The following DLGAP2 variants were observed in gnomAD, a reference collection of about 807,000 sequenced individuals.
DLGAP2 encodes the protein disks large-associated protein 2.
DLGAP2 carries 26 observed loss-of-function variants against 100.3 expected under a neutral mutation model. That is an observed-to-expected ratio of 0.26 (90% confidence interval 0.19 to 0.36). DLGAP2 has a LOEUF of 0.36. DLGAP2 is among the 10% of genes least tolerant of loss of function. The pLI is 1.00. For synonymous variants in DLGAP2, 886 were observed against 630.1 expected (o/e 1.41, Z -6.08); for missense variants, 1,858 against 1,453.2 (o/e 1.28, Z -4.53).
At chr8:1,041,382 C>T (rs979604929) in intron 2 of DLGAP2, among the ~76,000 whole-genome samples, 4 of 152,222 alleles carry the variant, frequency 2.6e-5, no homozygotes, top group African/African-American at 9.6e-5. Flanking sequence ...TCCGTGTCGA[C>T]ATCCGCCCTG....
At chr8:1,321,053 C>T (rs1800887586) in intron 3 of DLGAP2, among the ~76,000 whole-genome samples, 1 of 150,782 alleles carries the variant, frequency 6.6e-6, no homozygotes, top group African/African-American at 2.4e-5. Context: ...CCATGTGTCT[C>T]TAAGTGTGCA....
intron 8 of DLGAP2, among the ~76,000 whole-genome samples, chr8:1,633,486 C>A (rs1441711547): frequency 6.6e-6 from 1 of 152,214 alleles, no homozygotes; most frequent in Non-Finnish European, 1.5e-5. Context: ...CTCACCGCCG[C>A]TAAGCAGGTC....
At chr8:1,407,752 G>C (rs1796609826) in intron 3 of DLGAP2, among the ~76,000 whole-genome samples, 1 of 142,360 alleles carries the variant, frequency 7.0e-6, no homozygotes, top group Non-Finnish European at 1.5e-5. Context: ...TCATCCTCCA[G>C]AGTCGTGTAT....
At chr8:1,623,469 A>G (rs1479924570) in intron 6 of DLGAP2, among the ~76,000 whole-genome samples, 1 of 151,354 alleles carries the variant, frequency 6.6e-6, no homozygotes, top group Non-Finnish European at 1.5e-5. Flanking sequence ...GCGCGCAATG[A>G]CCTGACACCA....
rs113303294 is a variant in DLGAP2, at chr8:1,540,240, G to T, written c.173-8386G>T. Among the ~76,000 whole-genome samples the T allele has an allele frequency of 7.3e-3, 1,109 of 152,302 alleles. 6 individuals are homozygous for T. The highest frequency in any genetic ancestry group is 0.012 in the Non-Finnish European group (789 of 68,028). On this transcript the variant is annotated intron_variant, in intron 4 of 14. Coordinates refer to ENST00000637795, the MANE Select transcript of DLGAP2 (RefSeq NM_001346810.2). ...AAAGGCCCGAAACATGGGGTGATGA[G>T]CCCCTTGCCCCGCGTTTTTTAGAGT... is the stretch of plus-strand genomic sequence containing the variant.
At chr8:1,141,625 A>C (rs1373397863) in intron 2 of DLGAP2, among the ~76,000 whole-genome samples, 1 of 152,232 alleles carries the variant, frequency 6.6e-6, no homozygotes, top group Non-Finnish European at 1.5e-5. Flanking sequence ...ACATACTCAA[A>C]GACATGGGTA....
chr8:1,178,354 G>A (rs891671505), intron 2 of DLGAP2, among the ~76,000 whole-genome samples: 6 of 152,138 alleles, frequency 3.9e-5, no homozygotes, highest in South Asian at 2.1e-4. Context: ...TTGCGGAGGG[G>A]CGGCAGCAGT....
At chr8:1,502,071 A>G (rs1799741233) in intron 4 of DLGAP2, among the ~76,000 whole-genome samples, 1 of 152,244 alleles carries the variant, frequency 6.6e-6, no homozygotes, top group South Asian at 2.1e-4. Context: ...AATACATCTG[A>G]CATCAAACTG....
chr8:1,001,263 C>T (rs1474230040), intron 2 of DLGAP2, among the ~76,000 whole-genome samples: 1 of 152,212 alleles, frequency 6.6e-6, no homozygotes, highest in Non-Finnish European at 1.5e-5. Context: ...CAGCCTTTCT[C>T]CACTGGCTCT....
At chr8:905,786 T>G (rs1457684092) in intron 1 of DLGAP2, among the ~76,000 whole-genome samples, 3 of 152,224 alleles carry the variant, frequency 2.0e-5, no homozygotes, top group African/African-American at 4.8e-5. Flanking sequence ...AGACCATAGC[T>G]TGGGGTCCCA....
intron 3 of DLGAP2, among the ~76,000 whole-genome samples, chr8:1,299,174 T>G (rs911234488): frequency 2.0e-5 from 3 of 152,204 alleles, no homozygotes; most frequent in African/African-American, 7.2e-5. Flanking sequence ...AGATGGCATT[T>G]CAGGGGCTCA....
intron 1 of DLGAP2, among the ~76,000 whole-genome samples, chr8:795,666 G>GCGTCCGGTGAGAGCAGC (rs1796011868): frequency 7.8e-6 from 1 of 128,770 alleles, no homozygotes; most frequent in African/African-American, 2.7e-5. Flanking sequence ...GTGAGAGCAG[G>GCGTCCGGTGAGAGCAGC]TGTCCAGTGA....
At chr8:926,896 G>T (rs1313182243) in intron 2 of DLGAP2, among the ~76,000 whole-genome samples, 1 of 152,242 alleles carries the variant, frequency 6.6e-6, no homozygotes, top group Non-Finnish European at 1.5e-5. Flanking sequence ...AGCGGAGCGA[G>T]CCTCGTAGGC....
rs114493619 is a variant in DLGAP2, at chr8:1,090,819, C to T, written c.74-168032C>T. Among the ~76,000 whole-genome samples the T allele has an allele frequency of 1.7e-3, 252 of 152,218 alleles. 1 individual carries two copies. The highest frequency in any genetic ancestry group is 4.9e-3 in the African/African-American group (202 of 41,546). ...TGAATGTAGGGAAAATTCTTTTCATCGAGGACTCTTATTGATGGAGATTTT... is the reference window on the plus strand; with the variant it reads ...TGAATGTAGGGAAAATTCTTTTCATTGAGGACTCTTATTGATGGAGATTTT... On this transcript the variant is annotated intron_variant, in intron 2 of 14. Transcript: ENST00000637795.
Position 1,191,484 on chromosome 8 carries a change from A to G in DLGAP2, c.74-67367A>G, listed in dbSNP as rs183565095. Among the ~76,000 whole-genome samples, 47 of 152,330 alleles carry G rather than the reference A, an allele frequency of 3.1e-4. No individual in the cohort carries two copies. The East Asian group carries it at 6.8e-3, about 22-fold the overall frequency. ...CGCGCCCAGCCGATACGTTTTATCT[A>G]TAAGAAAATTCTACAATCCTGTCTA... On this transcript the variant is annotated intron_variant, in intron 2 of 14. Coordinates refer to ENST00000637795, the MANE Select transcript of DLGAP2 (RefSeq NM_001346810.2).
rs569404918 is a variant in DLGAP2 at position 1,185,684 on chromosome 8, T to C, written c.74-73167T>C. Among the ~76,000 whole-genome samples, 6 of 151,430 alleles carry C rather than the reference T, an allele frequency of 4.0e-5. No individual in the cohort carries two copies. In the East Asian group the frequency reaches 7.8e-4, roughly 20 times the overall value. Reference sequence around the variant, plus strand: ...AGGCTAGTGGAAGAACAATGTAAACTAGCTGTAAACACACACACTCACACT... The same window carrying C: ...AGGCTAGTGGAAGAACAATGTAAACCAGCTGTAAACACACACACTCACACT... On this transcript the variant is annotated intron_variant, in intron 2 of 14. Coordinates refer to ENST00000637795, the MANE Select transcript of DLGAP2 (RefSeq NM_001346810.2).
At chr8:1,116,327 G>A (rs913621341) in intron 2 of DLGAP2, among the ~76,000 whole-genome samples, 1 of 152,222 alleles carries the variant, frequency 6.6e-6, no homozygotes, top group Non-Finnish European at 1.5e-5. Flanking sequence ...GCCACAGCCT[G>A]GACGAAGAGT....
chr8:862,620 C>A (rs530015357), intron 1 of DLGAP2, among the ~76,000 whole-genome samples: 2 of 152,284 alleles, frequency 1.3e-5, no homozygotes, highest in African/African-American at 4.8e-5. Flanking sequence ...CTGGAAATAA[C>A]TGTGTGATCC....
intron 8 of DLGAP2, among the ~76,000 whole-genome samples, chr8:1,654,997 G>T (rs1393274589): frequency 6.6e-6 from 1 of 152,222 alleles, no homozygotes; most frequent in African/African-American, 2.4e-5. Context: ...GAAACAGGAA[G>T]TGTCTCGAAC....
Sources: gnomAD v4.1 joint callset for allele counts (sites outside exome capture counted in the v4.1 genomes callset) on GRCh38, gnomAD v4.1.1 for gene constraint, MANE v1.5 for transcripts, NCBI Gene and HGNC (gene_info 2026-07-23, HGNC 2026-07-21) for gene names.